The following PCDHGA1 variants were observed in gnomAD, a reference collection of about 807,000 sequenced individuals.
PCDHGA1 encodes the protein protocadherin gamma subfamily A, 1.
PCDHGA1 carries 32 observed loss-of-function variants against 58.0 expected under a neutral mutation model. That is an observed-to-expected ratio of 0.55 (90% CI 0.42 to 0.74). The LOEUF is 0.74. PCDHGA1 is among the 30% of genes least tolerant of loss of function. The pLI is 0.00. For missense variants in PCDHGA1, 1,205 were observed against 1,182.3 expected (o/e 1.02, Z -0.28); for synonymous variants, 498 against 501.1 (o/e 0.99, Z 0.08).
rs2233603 is a variant in PCDHGA1 at position 141,490,063 on chromosome 5, G to A, written c.2422-4744G>A. 1,259 of 1,614,208 alleles carry A rather than the reference G, an allele frequency of 7.8e-4. 6 individuals carry two copies. The African/African-American group carries it at 0.013, about 16-fold the overall frequency. On this transcript the variant is annotated intron_variant, in intron 1 of 3. Transcript: ENST00000517417. The surrounding 1 kb of genome is among the most constrained non-coding windows in gnomAD (Gnocchi z 5.4). ...CACTGATCCAGACGAGGGCACCAAC[G>A]GCCAACTAGACTATTCTTTTGGAGA...
chr5:141,366,257 G>A, intron 1 of PCDHGA1: 1 of 1,613,694 alleles, frequency 6.2e-7, no homozygotes, highest in Middle Eastern at 1.6e-4. Flanking sequence ...GCAGAGCCTC[G>A]TGGTGGCCGT....
chr5:141,342,253 T>G (rs560315850), intron 1 of PCDHGA1: 6 of 152,172 alleles, frequency 3.9e-5, no homozygotes, highest in Non-Finnish European at 8.8e-5. Context: ...TCTTTATACA[T>G]CTCTCTTCTC....
rs201022484 is a variant in PCDHGA1, at chr5:141,376,043, C to T, written c.2421+42938C>T. On this transcript the variant is annotated intron_variant, in intron 1 of 3. Coordinates refer to ENST00000517417, the MANE Select transcript of PCDHGA1 (RefSeq NM_018912.3). ...CGTCCAGGACCACGGCCAGCCCCCTCTCTCCGCCACTGTCACGCTCACCGT... is the reference window on the plus strand; with the variant it reads ...CGTCCAGGACCACGGCCAGCCCCCTTTCTCCGCCACTGTCACGCTCACCGT... 7.1e-4 allele frequency: 1,140 copies of T among 1,613,172 alleles called. 2 individuals carry two copies. Among genetic ancestry groups the T allele is most frequent in the Non-Finnish European group, 8.8e-4 (1,041 of 1,179,846 alleles).
intron 1 of PCDHGA1, chr5:141,408,126 C>T: frequency 1.5e-5 from 22 of 1,479,600 alleles, no homozygotes; most frequent in Non-Finnish European, 1.6e-5. Flanking sequence ...TGTCCTGGGC[C>T]GAATGCTCTT....
Position 141,431,518 on chromosome 5 carries a change from G to T in PCDHGA1, c.2422-63289G>T. 6.2e-7 allele frequency: 1 copy of T among 1,614,090 alleles called. No individual in the cohort carries two copies. Among genetic ancestry groups the T allele is most frequent in the Non-Finnish European group, 8.5e-7 (1 of 1,180,038 alleles). ...CCGAGTACCGCGCGAGCGTTCCGGA[G>T]AATCTGGCCTTGGGCACGCAGCTGC... On this transcript the variant is annotated intron_variant, in intron 1 of 3. Coordinates refer to ENST00000517417, the MANE Select transcript of PCDHGA1 (RefSeq NM_018912.3). The surrounding 1 kb of genome is among the most constrained non-coding windows in gnomAD (Gnocchi z 4.8).
intron 1 of PCDHGA1, chr5:141,418,385 G>A (rs759618059): frequency 8.7e-6 from 14 of 1,613,930 alleles, no homozygotes; most frequent in Admixed American, 1.7e-5. Flanking sequence ...AAGTCCTAAC[G>A]AGTATTTCTC....
At chr5:141,365,067 A>G in intron 1 of PCDHGA1, 1 of 1,613,826 alleles carries the variant, frequency 6.2e-7, no homozygotes, top group Non-Finnish European at 8.5e-7. Context: ...ACCCCATCCG[A>G]GTACAGCGTG....
Position 141,477,656 on chromosome 5 carries a change from C to T in PCDHGA1, c.2422-17151C>T, listed in dbSNP as rs755621234. The T allele has an allele frequency of 1.9e-6, 3 of 1,614,184 alleles. No homozygotes were observed. The South Asian group carries it at 3.3e-5, about 18-fold the overall frequency. ...AGTGGGTCGCTATTTCACAATAAATCGTGACAATGGCATAGTGTCATCCTT... is the reference window on the plus strand; with the variant it reads ...AGTGGGTCGCTATTTCACAATAAATTGTGACAATGGCATAGTGTCATCCTT... On this transcript the variant is annotated intron_variant, in intron 1 of 3. Transcript: ENST00000517417. The surrounding 1 kb of genome is among the most constrained non-coding windows in gnomAD (Gnocchi z 4.9).
chr5:141,404,970 C>A (rs1470955697), intron 1 of PCDHGA1: 1 of 1,613,940 alleles, frequency 6.2e-7, no homozygotes, highest in Non-Finnish European at 8.5e-7. Flanking sequence ...GACATCCTGG[C>A]TGACCTGGGC....
chr5:141,400,713 T>G (rs1225008709), intron 1 of PCDHGA1: 1 of 686,914 alleles, frequency 1.5e-6, no homozygotes, highest in Admixed American at 3.0e-5. Flanking sequence ...GAAGTAGCCT[T>G]ATAGATTTAC....
intron 1 of PCDHGA1, chr5:141,346,475 T>A: frequency 6.2e-7 from 1 of 1,613,716 alleles, no homozygotes; most frequent in Non-Finnish European, 8.5e-7. Flanking sequence ...TATTTATTTC[T>A]TTGATTATTA....
rs765690531 is a variant in PCDHGA1, at chr5:141,404,329, C to T, written c.2421+71224C>T. 6.8e-5 allele frequency: 110 copies of T among 1,613,772 alleles called. No homozygotes were observed. The East Asian group carries it at 2.4e-3, about 36-fold the overall frequency. On this transcript the variant is annotated intron_variant, in intron 1 of 3. Coordinates refer to ENST00000517417, the MANE Select transcript of PCDHGA1 (RefSeq NM_018912.3). ...CTTTCTCTCAAGCCTCCTACTCAGTCTACCTCCCGGAAAACAACGCCAGAG... is the reference window on the plus strand; with the variant it reads ...CTTTCTCTCAAGCCTCCTACTCAGTTTACCTCCCGGAAAACAACGCCAGAG...
At chr5:141,434,920 A>G (rs927245955) in intron 1 of PCDHGA1, among the ~76,000 whole-genome samples, 3 of 151,796 alleles carry the variant, frequency 2.0e-5, no homozygotes, top group East Asian at 1.9e-4. Flanking sequence ...ATTTATGTAC[A>G]TATATTTTAT....
chr5:141,477,519 A>C lies in PCDHGA1; in HGVS notation c.2422-17288A>C, dbSNP rs1255751458. 1 of 1,614,174 alleles carries C rather than the reference A, an allele frequency of 6.2e-7. No individual in the cohort carries two copies. The highest frequency in any genetic ancestry group is 2.2e-5 in the East Asian group (1 of 44,882). Reference sequence around the variant, plus strand: ...TCTTCCTACGACGTTTACATTGAAGAAAACAACCTCCCCGGGGCTCCAATA... The same window carrying C: ...TCTTCCTACGACGTTTACATTGAAGCAAACAACCTCCCCGGGGCTCCAATA... On this transcript the variant is annotated intron_variant, in intron 1 of 3. Transcript: ENST00000517417. The surrounding 1 kb of genome is among the most constrained non-coding windows in gnomAD (Gnocchi z 4.9).
At position 141,493,262 on chromosome 5, in the gene PCDHGA1, A is replaced by G. The variant is rs148431133; in HGVS notation, c.2422-1545A>G. ...GGTACTAACATGCCTCTCTTATAAC[A>G]GCTTCACAGAGGTCAAGTGACTTGC... is the stretch of plus-strand genomic sequence containing the variant. On this transcript the variant is annotated intron_variant, in intron 1 of 3. Transcript: ENST00000517417. This position sits in a 1 kb window ranked among gnomAD's most constrained non-coding sequence, Gnocchi z 4.3. 5.1e-4 allele frequency among the ~76,000 whole-genome samples: 78 copies of G among 152,302 alleles called. No homozygotes were observed. Among genetic ancestry groups the G allele is most frequent in the African/African-American group, 1.7e-3 (72 of 41,574 alleles).
chr5:141,423,628 A>G (rs1272272666), intron 1 of PCDHGA1: 2 of 1,604,848 alleles, frequency 1.2e-6, no homozygotes, highest in African/African-American at 1.3e-5. Context: ...CTCAGCTATC[A>G]TTTTAGGCAA....
intron 1 of PCDHGA1, chr5:141,366,706 G>A (rs202189432): frequency 6.2e-7 from 1 of 1,614,124 alleles, no homozygotes; most frequent in African/African-American, 1.3e-5. Context: ...AGCCTCTTCT[G>A]ATGTCTGATA....
chr5:141,374,152 G>T (rs1190094932), intron 1 of PCDHGA1: 1 of 1,612,132 alleles, frequency 6.2e-7, no homozygotes. Context: ...TGGGGACGCT[G>T]TGGGGGGCCG....
At position 141,487,665 on chromosome 5, in the gene PCDHGA1, G is replaced by C. The variant is rs373971935; in HGVS notation, c.2422-7142G>C. 2.1e-5 allele frequency: 34 copies of C among 1,612,724 alleles called. No homozygotes were observed. In the South Asian group the frequency reaches 3.4e-4, roughly 16 times the overall value. ...ATGCTTGAGGGTTATTCTGATCCAG[G>C]CATATGGCTAGGCCATGTCCTAGAG... On this transcript the variant is annotated intron_variant, in intron 1 of 3. Transcript: ENST00000517417. The surrounding 1 kb of genome is among the most constrained non-coding windows in gnomAD (Gnocchi z 5.0).
Sources: allele counts gnomAD v4.1 joint callset (sites outside exome capture counted in the v4.1 genomes callset), GRCh38; gene constraint gnomAD v4.1.1; non-coding constraint Gnocchi (gnomAD v3.1); transcripts MANE v1.5; gene names NCBI Gene and HGNC (gene_info 2026-07-23, HGNC 2026-07-21).